The following CACNA2D3 variants were observed in gnomAD, a reference collection of about 807,000 sequenced individuals.
The protein encoded by CACNA2D3 is voltage-dependent calcium channel subunit alpha-2/delta-3.
Under a neutral mutation model 160.6 loss-of-function variants are expected in CACNA2D3, and 60 were observed. The ratio of observed to expected loss-of-function variants is 0.37; its 90% CI spans 0.30 to 0.46. CACNA2D3 has a LOEUF of 0.46. Among genes scored for constraint, CACNA2D3 ranks in the 20% least tolerant of loss-of-function variants. The pLI, the probability that CACNA2D3 is intolerant of heterozygous loss-of-function variation, is 1.00. For missense variants in CACNA2D3, 1,205 were observed against 1,365.0 expected (o/e 0.88, Z 1.85); for synonymous variants, 558 against 492.9 (o/e 1.13, Z -1.75).
intron 13 of CACNA2D3, among the ~76,000 whole-genome samples, chr3:54,790,982 C>A (rs1419050290): frequency 2.0e-5 from 3 of 152,232 alleles, no homozygotes; most frequent in Admixed American, 1.3e-4. Context: ...GCACTATTAA[C>A]CAGCCCATTG....
intron 4 of CACNA2D3, among the ~76,000 whole-genome samples, chr3:54,466,018 A>G (rs914304339): frequency 3.2e-4 from 48 of 152,190 alleles, no homozygotes; most frequent in African/African-American, 1.1e-3. Flanking sequence ...GGTCCCCTCC[A>G]CCTTCAAAAC....
chr3:54,938,711 A>G (rs77370760), intron 27 of CACNA2D3, among the ~76,000 whole-genome samples: 3,487 of 152,052 alleles, frequency 0.023, 132 homozygotes, highest in African/African-American at 0.076. Context: ...ATAAAAATAA[A>G]TTTTTATTTT....
intron 10 of CACNA2D3, chr3:54,632,165 T>A (rs1575394682): frequency 6.6e-6 from 1 of 152,348 alleles, no homozygotes; most frequent in Non-Finnish European, 1.5e-5. Flanking sequence ...TTCTTCAAAA[T>A]TCTACAGCTA....
At chr3:54,918,351 T>TA in intron 27 of CACNA2D3, 1 of 434,988 alleles carries the variant, frequency 2.3e-6, no homozygotes, top group Non-Finnish European at 3.7e-6. Context: ...TTTTTTTTTT[T>TA]TTTTGTCTTT....
chr3:54,702,477 C>T (rs1700785809), intron 11 of CACNA2D3, among the ~76,000 whole-genome samples: 1 of 151,992 alleles, frequency 6.6e-6, no homozygotes, highest in African/African-American at 2.4e-5. Context: ...TGTGCATGGC[C>T]AACAAGCATA....
chr3:54,616,963 G>C (rs56976748), intron 9 of CACNA2D3, among the ~76,000 whole-genome samples: 38,990 of 151,778 alleles, frequency 0.26, 5,441 homozygotes, highest in African/African-American at 0.35. Flanking sequence ...TTCTGTCTCG[G>C]GCATTCTCTT....
chr3:54,747,278 A>G (rs538718818), intron 11 of CACNA2D3, among the ~76,000 whole-genome samples: 1 of 152,176 alleles, frequency 6.6e-6, no homozygotes, highest in African/African-American at 2.4e-5. Flanking sequence ...ATGTGATTCA[A>G]GGCTCCTGGT....
intron 11 of CACNA2D3, among the ~76,000 whole-genome samples, chr3:54,736,034 TGTATATATATAC>T (rs1246069760): frequency 1.8e-5 from 1 of 56,584 alleles, no homozygotes; most frequent in Non-Finnish European, 3.6e-5. Context: ...CATATATATA[TGTATATATATAC>T]ACATACATAT....
rs367820992 is a variant in CACNA2D3 at position 54,583,116 on chromosome 3, G to A, written c.963+1239G>A. Among the ~76,000 whole-genome samples, 5 of 152,284 alleles carry A rather than the reference G, an allele frequency of 3.3e-5. No individual in the cohort carries two copies. In the South Asian group the frequency reaches 8.3e-4, roughly 25 times the overall value. On this transcript the variant is annotated intron_variant, in intron 9 of 37. Coordinates refer to ENST00000474759, the MANE Select transcript of CACNA2D3 (RefSeq NM_018398.3). ...GACTTTCCCGTTGTTTGGCCATTGTGTAAGTGAAGATCTCATCCCTATTCC... is the reference window on the plus strand; with the variant it reads ...GACTTTCCCGTTGTTTGGCCATTGTATAAGTGAAGATCTCATCCCTATTCC...
At chr3:54,879,496 C>T (rs868101079) in intron 20 of CACNA2D3, 85 bp downstream of exon 20, 8 of 976,396 alleles carry the variant, frequency 8.2e-6, no homozygotes, top group Middle Eastern at 2.2e-4. Flanking sequence ...CAGAGCTCAT[C>T]ATCTGAAGAT....
chr3:54,338,899 G>C (rs950963613), intron 3 of CACNA2D3, among the ~76,000 whole-genome samples: 1 of 152,144 alleles, frequency 6.6e-6, no homozygotes, highest in Non-Finnish European at 1.5e-5. Context: ...AGTTATCATT[G>C]TGTAGCCACA....
At chr3:55,039,475 C>A (rs1399308512) in intron 35 of CACNA2D3, among the ~76,000 whole-genome samples, 1 of 152,144 alleles carries the variant, frequency 6.6e-6, no homozygotes, top group Non-Finnish European at 1.5e-5. Flanking sequence ...GTGGAATGAA[C>A]CCTGTGTACC....
intron 1 of CACNA2D3, 42 bp downstream of exon 1, chr3:54,122,877 C>G (rs1699502637): frequency 2.5e-6 from 3 of 1,211,574 alleles, no homozygotes; most frequent in Non-Finnish European, 3.1e-6. Context: ...GGGACCTTGC[C>G]GCCTGCGACC....
At chr3:54,999,253 T>G (rs1029578155) in intron 31 of CACNA2D3, among the ~76,000 whole-genome samples, 4 of 152,168 alleles carry the variant, frequency 2.6e-5, no homozygotes, top group African/African-American at 7.2e-5. Flanking sequence ...CTATTAGCAC[T>G]CCTATCAACA....
chr3:54,968,894 C>G (rs191513705), intron 28 of CACNA2D3, among the ~76,000 whole-genome samples: 2 of 152,310 alleles, frequency 1.3e-5, no homozygotes, highest in Admixed American at 6.5e-5. Context: ...CTTTACGTAA[C>G]TAGTTTCTCC....
intron 9 of CACNA2D3, among the ~76,000 whole-genome samples, chr3:54,592,052 G>C (rs1253764045): frequency 6.6e-6 from 1 of 152,192 alleles, no homozygotes; most frequent in African/African-American, 2.4e-5. Flanking sequence ...ATGAAAGGGC[G>C]TGAAGGGGCT....
At chr3:54,517,468 C>T (rs992075201) in intron 5 of CACNA2D3, among the ~76,000 whole-genome samples, 2 of 152,194 alleles carry the variant, frequency 1.3e-5, no homozygotes, top group South Asian at 2.1e-4. Flanking sequence ...CCAAGACCCT[C>T]GCCCCAGGGC....
intron 2 of CACNA2D3, among the ~76,000 whole-genome samples, chr3:54,273,864 A>G (rs1011012491): frequency 6.6e-6 from 1 of 152,180 alleles, no homozygotes; most frequent in African/African-American, 2.4e-5. Context: ...TCTGTGCTAG[A>G]TGGCCTTATC....
intron 11 of CACNA2D3, among the ~76,000 whole-genome samples, chr3:54,696,946 G>A (rs980849980): frequency 1.3e-5 from 2 of 152,120 alleles, no homozygotes; most frequent in Admixed American, 1.3e-4. Flanking sequence ...AAGATTTGGG[G>A]GTCCCTAGCT....
Sources: gnomAD v4.1 joint callset for allele counts (sites outside exome capture counted in the v4.1 genomes callset) on GRCh38, gnomAD v4.1.1 for gene constraint, MANE v1.5 for transcripts, NCBI Gene and HGNC (gene_info 2026-07-23, HGNC 2026-07-21) for gene names.